Variants in EPG5 observed in about 807,000 individuals in gnomAD.
EPG5 encodes the protein ectopic P granules protein 5 homolog.
Under a neutral mutation model 302.7 loss-of-function variants are expected in EPG5, and 159 were observed. That is an observed-to-expected ratio of 0.53 (90% CI 0.46 to 0.60). The LOEUF (loss-of-function observed/expected upper bound fraction) is 0.60. Ranked by LOEUF, EPG5 falls within the 20% of genes least tolerant of loss-of-function variation. EPG5 has a pLI of 0.00. For synonymous variants in EPG5, 1,158 were observed against 1,136.8 expected, an observed-to-expected ratio of 1.02 and a Z score of -0.37; for missense variants, 2,896 against 3,092.4, an observed-to-expected ratio of 0.94 and a Z score of 1.51.
chr18:45,857,761 G>A (rs1405359726), intron 42 of EPG5, 92 bp downstream of exon 42: 8 of 946,312 alleles, frequency 8.5e-6, no homozygotes, highest in Non-Finnish European at 9.5e-6. Flanking sequence ...ATCCTAAGTC[G>A]AAAAACCTAC....
chr18:45,883,595 G>A (rs966384549), intron 30 of EPG5, among the ~76,000 whole-genome samples: 3 of 149,508 alleles, frequency 2.0e-5, no homozygotes, highest in Non-Finnish European at 3.0e-5. Flanking sequence ...GAAGTAGCTG[G>A]GAGTACCACT....
the EPG5 span, chr18:45,837,764 C>G: frequency 6.6e-7 from 1 of 1,521,540 alleles, no homozygotes; most frequent in Non-Finnish European, 8.7e-7. Context: ...CAACCCGCGC[C>G]GCAACGACCT....
Position 45,912,167 on chromosome 18 carries a change from T to C in EPG5, c.3983+123A>G, listed in dbSNP as rs2049920727. 9.4e-6 allele frequency: 8 copies of C among 853,218 alleles called. No individual in the cohort carries two copies. The East Asian group carries it at 2.1e-4, about 22-fold the overall frequency. The allele number at this position is 853,218 out of a possible 1,614,324, so 52.9% of individuals were successfully genotyped here. Reference sequence around the variant, plus strand: ...GTCAAACATAGAGACAGAGAAAGAGTCCTCACCAGAGATCACCAAAGAATG... The same window carrying C: ...GTCAAACATAGAGACAGAGAAAGAGCCCTCACCAGAGATCACCAAAGAATG... On this transcript the variant is annotated intron_variant, in intron 22 of 43. Coordinates refer to ENST00000282041, the MANE Select transcript of EPG5 (RefSeq NM_020964.3).
the EPG5 span, chr18:45,842,420 C>T: frequency 1.6e-5 from 9 of 546,672 alleles, no homozygotes; most frequent in Admixed American, 1.3e-4. Context: ...AATGTGCATA[C>T]GTCTGTGTGT....
At chr18:45,861,569 G>C (rs2048634988) in intron 39 of EPG5, among the ~76,000 whole-genome samples, 1 of 152,134 alleles carries the variant, frequency 6.6e-6, no homozygotes, top group Non-Finnish European at 1.5e-5. Flanking sequence ...AATCATATCT[G>C]ACCAACTCTA....
chr18:45,872,460 T>C (rs2048891663), intron 35 of EPG5, among the ~76,000 whole-genome samples: 1 of 152,162 alleles, frequency 6.6e-6, no homozygotes, highest in Non-Finnish European at 1.5e-5. Flanking sequence ...TCCCGGCACT[T>C]TGGGAGGCCG....
chr18:45,881,237 T>G (rs1458542203), intron 31 of EPG5, among the ~76,000 whole-genome samples: 2 of 152,224 alleles, frequency 1.3e-5, no homozygotes, highest in Non-Finnish European at 2.9e-5. Context: ...TGGTCTAATA[T>G]AAATGGTTTA....
At position 45,887,879 on chromosome 18, in the gene EPG5, G is replaced by T; in HGVS notation, c.4981C>A (p.Pro1661Thr). 1 of 1,589,066 alleles carries T rather than the reference G, an allele frequency of 6.3e-7. No homozygotes were observed. Residue 1661 changes from proline (P) to threonine (T), a missense_variant, in exon 29 of 44, where the codon CCT (proline) becomes ACT (threonine). Pro to Thr is a conservative substitution (Grantham distance 38). Transcript: ENST00000282041. ...TALVNAYKLQ[P>T]TPGIQKVGIS... The stretch of plus-strand genomic sequence containing the variant: ...CCAACTTTCTGAATCCCAGGTGTAG[G>T]CTGCAACTTGTAGGCATTCACTAAG...
the EPG5 span, among the ~76,000 whole-genome samples, chr18:45,833,220 A>G: frequency 1.3e-5 from 2 of 152,196 alleles, no homozygotes; most frequent in Non-Finnish European, 2.9e-5. Context: ...GACTTCACCA[A>G]GTTGCTGTGG....
chr18:45,870,766 G>C (rs373448755), intron 35 of EPG5, 24 bp from the exon 36 acceptor site: 4 of 1,477,778 alleles, frequency 2.7e-6, no homozygotes, highest in African/African-American at 2.9e-5. Flanking sequence ...AGAAAATAGA[G>C]CTGAAGACCT....
At chr18:45,801,273 T>A in the EPG5 span, among the ~76,000 whole-genome samples, 1 of 152,162 alleles carries the variant, frequency 6.6e-6, no homozygotes, top group Admixed American at 6.5e-5. Flanking sequence ...TGACCTCAAG[T>A]GATCTGCCCA....
chr18:45,870,326 T>C (rs2048841768), intron 36 of EPG5, among the ~76,000 whole-genome samples: 1 of 152,152 alleles, frequency 6.6e-6, no homozygotes, highest in Non-Finnish European at 1.5e-5. Context: ...GTCTAGGGGA[T>C]GACTGACATA....
At chr18:45,948,655 G>T in intron 5 of EPG5, 79 bp from the exon 6 acceptor site, 2 of 1,139,994 alleles carry the variant, frequency 1.8e-6, no homozygotes, top group Non-Finnish European at 2.6e-6. Flanking sequence ...CAAGCATTCT[G>T]ACCAAAGTTG....
chr18:45,930,569 G>T, intron 12 of EPG5, 107 bp downstream of exon 12: 1 of 836,974 alleles, frequency 1.2e-6, no homozygotes, highest in Non-Finnish European at 1.8e-6. Flanking sequence ...AGTGTAGACA[G>T]TAGCTAAATA....
chr18:45,940,825 G>A lies in EPG5; in HGVS notation c.1944-1070C>T, dbSNP rs193158240. Reference sequence around the variant, plus strand: ...GGTATAAAAGAAAGAAAAGCCACAGGTGGCACCAGGTGTTTTGGCCTGAGA... The same window carrying A: ...GGTATAAAAGAAAGAAAAGCCACAGATGGCACCAGGTGTTTTGGCCTGAGA... On this transcript the variant is annotated intron_variant, in intron 9 of 43. Coordinates refer to ENST00000282041, the MANE Select transcript of EPG5 (RefSeq NM_020964.3). 2.6e-3 allele frequency among the ~76,000 whole-genome samples: 394 copies of A among 152,308 alleles called. 1 individual carries two copies. The highest frequency in any genetic ancestry group is 0.01 in the Middle Eastern group (3 of 294).
the EPG5 span, among the ~76,000 whole-genome samples, chr18:45,819,887 T>C: frequency 6.6e-6 from 1 of 152,238 alleles, no homozygotes; most frequent in Admixed American, 6.5e-5. Context: ...GAAGACACTG[T>C]GAGCCAGGCA....
downstream of EPG5, chr18:45,847,576 T>C (rs2048375586): frequency 6.6e-6 from 1 of 152,550 alleles, no homozygotes; most frequent in Admixed American, 6.5e-5. Context: ...GTCAACCAAC[T>C]TGCAGGAAAC....
At chr18:45,905,111 C>A (rs1020303846) in intron 24 of EPG5, among the ~76,000 whole-genome samples, 9 of 152,136 alleles carry the variant, frequency 5.9e-5, no homozygotes, top group African/African-American at 2.2e-4. Flanking sequence ...TAACCTCTCC[C>A]TACACTCCCA....
chr18:45,855,602 C>G lies in EPG5; in HGVS notation c.7528G>C (p.Glu2510Gln). 1 of 1,614,110 alleles carries G rather than the reference C, an allele frequency of 6.2e-7. No homozygotes were observed. The highest frequency in any genetic ancestry group is 1.1e-5 in the South Asian group (1 of 91,078). Residue 2510 changes from glutamate to glutamine, a missense_variant, in exon 43 of 44, where the codon GAA (glutamate) becomes CAA (glutamine). Coordinates refer to ENST00000282041, the MANE Select transcript of EPG5 (RefSeq NM_020964.3). ...EDQIRLRPGS[E>Q]LHLTPKAQQA... ...TGAGCTTTGGGGGTCAGATGTAATTCAGAGCCAGGCCTCAAACGGATCTGA... is the reference window on the plus strand; with the variant it reads ...TGAGCTTTGGGGGTCAGATGTAATTGAGAGCCAGGCCTCAAACGGATCTGA...
Sources: allele counts gnomAD v4.1 joint callset (sites outside exome capture counted in the v4.1 genomes callset), GRCh38; gene constraint gnomAD v4.1.1; transcripts MANE v1.5; gene names NCBI Gene and HGNC (gene_info 2026-07-23, HGNC 2026-07-21).